The following DMD variants were observed in gnomAD, a reference collection of about 807,000 sequenced individuals.
DMD encodes the protein mutant dystrophin.
Under a neutral mutation model 330.1 loss-of-function variants are expected in DMD, and 63 were observed. The ratio of observed to expected loss-of-function variants is 0.19; its 90% CI spans 0.16 to 0.24. The LOEUF is 0.24. Among genes scored for constraint, DMD ranks in the 10% least tolerant of loss-of-function variants. The pLI, the probability that DMD is intolerant of heterozygous loss-of-function variation, is 1.00. For synonymous variants in DMD, 1,223 were observed against 959.8 expected, an observed-to-expected ratio of 1.27 and a Z score of -5.07; for missense variants, 3,344 against 2,684.1, an observed-to-expected ratio of 1.25 and a Z score of -5.43.
At chrX:33,230,964 A>AT (rs1200507068) in intron 1 of DMD, among the ~76,000 whole-genome samples, 2 of 103,572 alleles carry the variant, frequency 1.9e-5, no homozygotes, top group African/African-American at 8.5e-5. Flanking sequence ...AGCCAAAAAA[A>AT]AAAAAAAATA....
intron 2 of DMD, among the ~76,000 whole-genome samples, chrX:32,955,816 T>A (rs1183824061): frequency 8.9e-6 from 1 of 111,949 alleles, no homozygotes; most frequent in Non-Finnish European, 1.9e-5. Context: ...ATTGCTTGTT[T>A]TTGTCAGCTT....
chrX:33,001,050 T>A (rs1022420025), intron 2 of DMD, among the ~76,000 whole-genome samples: 1 of 111,605 alleles, frequency 9.0e-6, no homozygotes, highest in Non-Finnish European at 1.9e-5. Flanking sequence ...CTTCTAATAA[T>A]CACCTACTGT....
rs377257320 is a variant in DMD, at chrX:32,780,874, G to A, written c.649+28619C>T. On this transcript the variant is annotated intron_variant, in intron 7 of 78. Coordinates refer to ENST00000357033, the MANE Select transcript of DMD (RefSeq NM_004006.3). Reference sequence around the variant, plus strand: ...TCAGAGGCCGAGGCGGGCAGATCACGAGGTCAGGAGATCGAGACCATCCTG... The same window carrying A: ...TCAGAGGCCGAGGCGGGCAGATCACAAGGTCAGGAGATCGAGACCATCCTG... Among the ~76,000 whole-genome samples, 15 of 108,870 alleles carry A rather than the reference G, an allele frequency of 1.4e-4. No individual in the cohort carries two copies. In the South Asian group the frequency reaches 5.5e-3, roughly 40 times the overall value. The allele number at this position is 108,870 out of a possible 115,157, so 94.5% of individuals were successfully genotyped here.
chrX:31,365,839 G>A (rs899138544), intron 60 of DMD, among the ~76,000 whole-genome samples: 2 of 112,686 alleles, frequency 1.8e-5, no homozygotes, highest in African/African-American at 6.4e-5. Flanking sequence ...GAGACAGAGT[G>A]ACACACGTAG....
chrX:31,307,569 C>T (rs7883483), intron 62 of DMD, among the ~76,000 whole-genome samples: 1 of 109,442 alleles, frequency 9.1e-6, no homozygotes, highest in Admixed American at 9.8e-5. Flanking sequence ...ACCTTTAAAA[C>T]GATATCATGA....
intron 2 of DMD, among the ~76,000 whole-genome samples, chrX:32,879,103 T>C (rs1017840035): frequency 3.1e-4 from 34 of 111,071 alleles, no homozygotes; most frequent in African/African-American, 9.8e-4. Context: ...ATAATATCCA[T>C]GTGTATCAAG....
Position 33,306,574 on chromosome X carries a change from G to A in DMD, c.7+32685C>T, listed in dbSNP as rs188929950. Among the ~76,000 whole-genome samples, 432 of 110,900 alleles carry A rather than the reference G, an allele frequency of 3.9e-3. 2 individuals are homozygous for A. The highest frequency in any genetic ancestry group is 0.014 in the African/African-American group (418 of 30,545). ...GAATGGTAGAAGTAGGGCTGTGATG[G>A]GTGTGGGGGACATGGAGGGGAAAGG... On this transcript the variant is annotated intron_variant, in intron 1 of 17. Transcript: ENST00000288447.
At chrX:31,246,418 G>A (rs1358037229) in intron 63 of DMD, among the ~76,000 whole-genome samples, 3 of 112,383 alleles carry the variant, frequency 2.7e-5, no homozygotes, top group Non-Finnish European at 5.6e-5. Flanking sequence ...GGATGAAGGT[G>A]GCTACAACGA....
chrX:33,048,163 T>A (rs2094408047), intron 1 of DMD, among the ~76,000 whole-genome samples: 1 of 112,062 alleles, frequency 8.9e-6, no homozygotes, highest in Non-Finnish European at 1.9e-5. Flanking sequence ...GACACATAGA[T>A]TCACATTGTA....
intron 43 of DMD, among the ~76,000 whole-genome samples, chrX:32,219,526 T>A (rs768605648): frequency 1.9e-4 from 21 of 111,056 alleles, no homozygotes; most frequent in Middle Eastern, 4.6e-3. Flanking sequence ...TAATTTAAAA[T>A]TTTTTTTTAA....
chrX:32,974,724 G>A (rs1056570928), intron 2 of DMD, among the ~76,000 whole-genome samples: 1 of 111,450 alleles, frequency 9.0e-6, no homozygotes, highest in African/African-American at 3.3e-5. Context: ...AAGTTTTATT[G>A]TGCAGATGGT....
chrX:31,172,691 C>A (rs1168153266), intron 72 of DMD, among the ~76,000 whole-genome samples: 2 of 111,669 alleles, frequency 1.8e-5, no homozygotes, highest in African/African-American at 6.5e-5. Flanking sequence ...GAGAACAGGT[C>A]TTTGTTTTCA....
chrX:32,693,542 C>A (rs1366017807), intron 9 of DMD, among the ~76,000 whole-genome samples: 4 of 111,700 alleles, frequency 3.6e-5, no homozygotes, highest in Non-Finnish European at 7.5e-5. Flanking sequence ...TGGCTTCAAG[C>A]AATCCTCATG....
chrX:31,689,058 C>G (rs969455857), intron 52 of DMD, among the ~76,000 whole-genome samples: 2 of 111,754 alleles, frequency 1.8e-5, no homozygotes, highest in African/African-American at 3.3e-5. Context: ...AAAACTGGCA[C>G]AAGACAGGGA....
At chrX:31,927,937 G>C (rs1347869973) in intron 47 of DMD, among the ~76,000 whole-genome samples, 1 of 111,783 alleles carries the variant, frequency 8.9e-6, no homozygotes, top group East Asian at 2.8e-4. Flanking sequence ...AGACAATATA[G>C]TTCTAAAATT....
intron 7 of DMD, among the ~76,000 whole-genome samples, chrX:32,737,010 T>TA (rs1239666400): frequency 1.8e-5 from 2 of 111,492 alleles, no homozygotes; most frequent in Admixed American, 9.6e-5. Context: ...TCATTATATA[T>TA]AAAAAATTTC....
At chrX:33,225,070 A>G (rs1394673129) in intron 1 of DMD, among the ~76,000 whole-genome samples, 1 of 111,407 alleles carries the variant, frequency 9.0e-6, no homozygotes, top group African/African-American at 3.2e-5. Flanking sequence ...TTAATGAAGA[A>G]ATATATTGTG....
chrX:31,772,451 T>C (rs1034418819), intron 51 of DMD, among the ~76,000 whole-genome samples: 3 of 112,165 alleles, frequency 2.7e-5, no homozygotes, highest in East Asian at 5.6e-4. Flanking sequence ...TAACTCAATA[T>C]GGTATTGTAA....
intron 44 of DMD, among the ~76,000 whole-genome samples, chrX:32,170,997 A>C (rs1317899790): frequency 4.5e-5 from 5 of 111,493 alleles, no homozygotes; most frequent in Non-Finnish European, 9.4e-5. Flanking sequence ...ACATCTATCT[A>C]TCTGTGTCCC....
Sources: gnomAD v4.1 joint callset for allele counts (sites outside exome capture counted in the v4.1 genomes callset) on GRCh38, gnomAD v4.1.1 for gene constraint, MANE v1.5 for transcripts, NCBI Gene and HGNC (gene_info 2026-07-23, HGNC 2026-07-21) for gene names.